Variants in CDHR3 observed in about 807,000 individuals in gnomAD.
The protein encoded by CDHR3 is cadherin-related family member 3.
A neutral mutation model predicts 86.6 loss-of-function variants in CDHR3; 79 were observed. That is an observed-to-expected ratio of 0.91 (90% confidence interval 0.76 to 1.10). CDHR3 has a LOEUF of 1.10. CDHR3 is among the 50% of genes least tolerant of loss of function. The pLI, the probability that CDHR3 is intolerant of heterozygous loss-of-function variation, is 0.00. For synonymous variants in CDHR3, 421 were observed against 402.4 expected (o/e 1.05, Z -0.55); for missense variants, 1,081 against 1,077.6 (o/e 1.00, Z -0.04).
At chr7:106,006,368 A>C (rs1833947432) in intron 8 of CDHR3, among the ~76,000 whole-genome samples, 1 of 152,188 alleles carries the variant, frequency 6.6e-6, no homozygotes, top group South Asian at 2.1e-4. Flanking sequence ...GTCTTTACTC[A>C]TTTCAGCATT....
Position 105,975,036 on chromosome 7 carries a change from C to T in CDHR3, c.239C>T (p.Thr80Ile). The T allele has an allele frequency of 6.2e-7, 1 of 1,613,580 alleles. No individual in the cohort carries two copies. The highest frequency in any genetic ancestry group is 1.1e-5 in the South Asian group (1 of 91,048). Reference protein sequence around the residue: ...EAFRVNWLSGTYFEVVTTGME... With the variant: ...EAFRVNWLSGIYFEVVTTGME... The stretch of plus-strand genomic sequence containing the variant: ...TTTAGGGTGAATTGGCTGTCAGGCA[C>T]CTACTTTGAGGTAAGTAACAACTTA... Residue 80 changes from threonine to isoleucine, a missense_variant, in exon 2 of 19, where the codon ACC (threonine) becomes ATC (isoleucine). Transcript: ENST00000317716.
At chr7:105,979,235 C>T (rs1829273235) in intron 2 of CDHR3, among the ~76,000 whole-genome samples, 1 of 152,164 alleles carries the variant, frequency 6.6e-6, no homozygotes, top group East Asian at 1.9e-4. Flanking sequence ...TCAAGCCAGT[C>T]AGTCTGGCTC....
intron 4 of CDHR3, 134 bp from the exon 5 acceptor site, chr7:105,994,617 C>G (rs1303242833): frequency 7.3e-6 from 5 of 688,110 alleles, no homozygotes; most frequent in Admixed American, 6.6e-5. Flanking sequence ...GATAACTGCT[C>G]TTTGAACCGC....
intron 8 of CDHR3, among the ~76,000 whole-genome samples, chr7:106,009,127 A>G (rs999009197): frequency 7.2e-5 from 11 of 152,160 alleles, no homozygotes; most frequent in Admixed American, 2.6e-4. Flanking sequence ...CTGAAGGCCA[A>G]TGTGAAATCC....
chr7:106,012,382 G>C (rs1426029606), intron 8 of CDHR3, among the ~76,000 whole-genome samples: 1 of 152,080 alleles, frequency 6.6e-6, no homozygotes, highest in African/African-American at 2.4e-5. Flanking sequence ...GAAAGTGAAA[G>C]TGGGAGTCAC....
chr7:106,012,505 AAGG>A lies in CDHR3; in HGVS notation c.1053-352_1053-350del, dbSNP rs953330436. Among the ~76,000 whole-genome samples, 35 of 152,240 alleles carry A rather than the reference AAGG, an allele frequency of 2.3e-4. No homozygotes were observed. The South Asian group carries it at 3.5e-3, about 15-fold the overall frequency. On this transcript the variant is annotated intron_variant, in intron 8 of 18. Transcript: ENST00000317716. ...CCAGAGTGGCAGGAGGAGAGTGAAC[AAGG>A]AGAAGAGCTAGTGGGAGACGAGTTC...
chr7:105,987,374 C>A (rs1479059902), intron 4 of CDHR3, among the ~76,000 whole-genome samples: 1 of 152,134 alleles, frequency 6.6e-6, no homozygotes, highest in Admixed American at 6.5e-5. Flanking sequence ...CAACAGCCAG[C>A]CTGCAGGAGC....
chr7:106,026,537 T>C (rs1837367906), intron 15 of CDHR3, 145 bp from the exon 16 acceptor site: 2 of 768,844 alleles, frequency 2.6e-6, no homozygotes, highest in East Asian at 2.6e-5. Context: ...TCTAGTTTTC[T>C]TTCTGGCCCC....
At chr7:106,014,188 C>T (rs1286109941) in intron 9 of CDHR3, among the ~76,000 whole-genome samples, 1 of 152,094 alleles carries the variant, frequency 6.6e-6, no homozygotes, top group African/African-American at 2.4e-5. Context: ...CTCCCACCTC[C>T]ACCTCCCCAA....
chr7:105,969,122 C>T (rs1281029295), intron 1 of CDHR3, among the ~76,000 whole-genome samples: 1 of 131,592 alleles, frequency 7.6e-6, no homozygotes, highest in Non-Finnish European at 1.6e-5. Flanking sequence ...GTGGGCCGGG[C>T]GTGGTGGCTC....
intron 2 of CDHR3, among the ~76,000 whole-genome samples, chr7:105,980,068 A>G (rs1245649478): frequency 6.6e-6 from 1 of 152,224 alleles, no homozygotes. Flanking sequence ...GCAGACAACA[A>G]AAGCTCCTGA....
intron 15 of CDHR3, among the ~76,000 whole-genome samples, chr7:106,025,874 T>A (rs954990824): frequency 3.3e-5 from 5 of 152,142 alleles, no homozygotes; most frequent in African/African-American, 1.2e-4. Flanking sequence ...ATTGATTTTT[T>A]TAAAAAAAAA....
At chr7:106,015,774 C>A in intron 10 of CDHR3, 153 bp from the exon 11 acceptor site, 1 of 686,900 alleles carries the variant, frequency 1.5e-6, no homozygotes, top group East Asian at 2.7e-5. Flanking sequence ...GGGTGAACAC[C>A]CTCGGCATCT....
At chr7:106,019,967 C>G (rs150792670) in intron 12 of CDHR3, among the ~76,000 whole-genome samples, 1 of 152,252 alleles carries the variant, frequency 6.6e-6, no homozygotes, top group African/African-American at 2.4e-5. Flanking sequence ...ATGGAGACAC[C>G]GTAAATCCAC....
In CDHR3 at chr7:106,033,165, C is replaced by T. The variant is rs1456827923; in HGVS notation, c.*468C>T. 6.5e-6 allele frequency: 1 copy of T among 154,804 alleles called. No homozygotes were observed. Among genetic ancestry groups the T allele is most frequent in the Non-Finnish European group, 1.4e-5 (1 of 69,730 alleles). The allele number at this position is 154,804 out of a possible 1,614,324, so 9.6% of individuals were successfully genotyped here. On this transcript the variant is annotated 3_prime_UTR_variant, in exon 19 of 19. Coordinates refer to ENST00000317716, the MANE Select transcript of CDHR3 (RefSeq NM_152750.5). ...TGCCATACACCTTTGTAAGTCACCT[C>T]AAATCTTCTTCAAAAGAAGCAGAAC...
chr7:105,976,213 C>T (rs1828785850), intron 2 of CDHR3, among the ~76,000 whole-genome samples: 1 of 152,114 alleles, frequency 6.6e-6, no homozygotes, highest in East Asian at 1.9e-4. Context: ...AATTGCTTAC[C>T]CTTATAGAGC....
At chr7:106,011,485 G>C (rs1343834772) in intron 8 of CDHR3, among the ~76,000 whole-genome samples, 1 of 152,148 alleles carries the variant, frequency 6.6e-6, no homozygotes, top group African/African-American at 2.4e-5. Context: ...CCAGGCATGT[G>C]AGTGAGGCCA....
At chr7:106,025,305 G>A (rs889220646) in intron 15 of CDHR3, among the ~76,000 whole-genome samples, 1 of 152,138 alleles carries the variant, frequency 6.6e-6, no homozygotes, top group African/African-American at 2.4e-5. Context: ...AGATGGGCCT[G>A]AGCTCAAGTC....
At chr7:106,019,438 C>T (rs1836203042) in intron 12 of CDHR3, among the ~76,000 whole-genome samples, 2 of 150,538 alleles carry the variant, frequency 1.3e-5, no homozygotes, top group Non-Finnish European at 2.9e-5. Context: ...TGGGGGCTAA[C>T]TAGAGTGAAC....
Sources: gnomAD v4.1 joint callset for allele counts (sites outside exome capture counted in the v4.1 genomes callset) on GRCh38, gnomAD v4.1.1 for gene constraint, MANE v1.5 for transcripts, NCBI Gene and HGNC (gene_info 2026-07-23, HGNC 2026-07-21) for gene names.